ATL2: variants seen among roughly 807,000 people sequenced by gnomAD.
The protein encoded by ATL2 is atlastin-2.
Under a neutral mutation model 73.9 loss-of-function variants are expected in ATL2, and 31 were observed. The observed-to-expected ratio is 0.42, with a 90% confidence interval of 0.32 to 0.57. The LOEUF (loss-of-function observed/expected upper bound fraction) is 0.57. Ranked by LOEUF, ATL2 falls within the 20% of genes least tolerant of loss-of-function variation. The probability of loss-of-function intolerance (pLI) is 0.14; values close to 1 mark genes in which losing one functional copy is unlikely to be tolerated. For missense variants in ATL2, 738 were observed against 702.6 expected, an observed-to-expected ratio of 1.05 and a Z score of -0.57; for synonymous variants, 291 against 237.5, an observed-to-expected ratio of 1.23 and a Z score of -2.07.
intron 1 of ATL2, chr2:38,376,219 C>G: frequency 6.7e-7 from 1 of 1,491,316 alleles, no homozygotes; most frequent in Non-Finnish European, 9.0e-7. Flanking sequence ...CAATTCGCAC[C>G]ACAGTGAGAG....
At chr2:38,305,554 A>C (rs1237296942) in intron 9 of ATL2, among the ~76,000 whole-genome samples, 2 of 152,196 alleles carry the variant, frequency 1.3e-5, no homozygotes, top group African/African-American at 4.8e-5. Context: ...GTCTCAAAAA[A>C]AAAATCAAAA....
intron 1 of ATL2, among the ~76,000 whole-genome samples, chr2:38,375,761 A>G (rs1206850061): frequency 6.6e-6 from 1 of 152,228 alleles, no homozygotes; most frequent in Admixed American, 6.5e-5. Context: ...ACCAGCACAC[A>G]TCTAAGGCGA....
At chr2:38,325,694 ACCAGT>A (rs1668592126) in intron 2 of ATL2, among the ~76,000 whole-genome samples, 2 of 46,926 alleles carry the variant, frequency 4.3e-5, no homozygotes, top group African/African-American at 3.7e-4. Context: ...ACACACACAC[ACCAGT>A]ACACACACAC....
At chr2:38,333,355 A>C (rs928359780) in intron 2 of ATL2, among the ~76,000 whole-genome samples, 4 of 152,176 alleles carry the variant, frequency 2.6e-5, no homozygotes, top group African/African-American at 9.7e-5. Flanking sequence ...TGGCAGAGTG[A>C]GGGAAGGAGG....
At chr2:38,336,641 T>C (rs867461784) in intron 2 of ATL2, among the ~76,000 whole-genome samples, 2 of 152,200 alleles carry the variant, frequency 1.3e-5, no homozygotes, top group African/African-American at 2.4e-5. Flanking sequence ...AAACATAATT[T>C]TACATAATAG....
chr2:38,305,917 C>T (rs1452830505), intron 9 of ATL2, among the ~76,000 whole-genome samples: 3 of 150,778 alleles, frequency 2.0e-5, no homozygotes, highest in Non-Finnish European at 4.4e-5. Context: ...AAGAAGTTAG[C>T]GAAATTGAAA....
At position 38,298,427 on chromosome 2, in the gene ATL2, G is replaced by A; in HGVS notation, c.1349C>T (p.Ala450Val). 6.2e-7 allele frequency: 1 copy of A among 1,614,148 alleles called. No individual in the cohort carries two copies. Among genetic ancestry groups the A allele is most frequent in the Non-Finnish European group, 8.5e-7 (1 of 1,180,020 alleles). Residue 450 changes from alanine (A) to valine (V), a missense_variant, in exon 12 of 13, where the codon GCT becomes GTT. By Grantham distance (64) the Ala-to-Val change is moderately conservative. Transcript: ENST00000378954. ...FCRRYQDQLE[A>V]EIEETYANFI... The stretch of plus-strand genomic sequence containing the variant: ...ATTTGCATAGGTTTCTTCAATTTCA[G>A]CTTCAAGCTGGTCCTGATAACGACG...
Position 38,367,584 on chromosome 2 carries a change from G to T in ATL2, c.118+9559C>A, listed in dbSNP as rs1278730608. ...CACTCCAGCCCGGGGAACAGAGCAA[G>T]AATCCATCTCAAAAAAAAAAAAAAA... On this transcript the variant is annotated intron_variant, in intron 1 of 12. Coordinates refer to ENST00000378954, the MANE Select transcript of ATL2 (RefSeq NM_001135673.4). 2.0e-3 allele frequency among the ~76,000 whole-genome samples: 125 copies of T among 62,722 alleles called. 1 individual carries two copies. Among genetic ancestry groups the T allele is most frequent in the African/African-American group, 6.5e-3 (121 of 18,596 alleles). 41.1% of individuals were successfully genotyped at this position (62,722 alleles called of 152,430 possible). A position where few individuals can be genotyped will look rare whatever the true frequency, so the allele number is the denominator to read the frequency against.
intron 1 of ATL2, chr2:38,376,224 T>G: frequency 6.7e-7 from 1 of 1,484,252 alleles, no homozygotes; most frequent in Non-Finnish European, 9.0e-7. Flanking sequence ...CGCACCACAG[T>G]GAGAGATCAA....
At chr2:38,352,178 G>C (rs1378137651) in intron 1 of ATL2, among the ~76,000 whole-genome samples, 4 of 131,074 alleles carry the variant, frequency 3.1e-5, no homozygotes, top group Non-Finnish European at 6.7e-5. Context: ...AAAATCAAGT[G>C]GGAAAAGGGC....
At chr2:38,370,267 C>A (rs1169500208) in intron 1 of ATL2, among the ~76,000 whole-genome samples, 1 of 146,432 alleles carries the variant, frequency 6.8e-6, no homozygotes, top group Non-Finnish European at 1.5e-5. Flanking sequence ...AGTTTGAAAC[C>A]AGCCTGGTCT....
In ATL2 at chr2:38,343,363, G is replaced by C. The variant is rs1308258873; in HGVS notation, c.268C>G (p.Arg90Gly). ...LEQILLQEHI[R>G]DLNIVVVSVA... ...GATACCACTACTATGTTAAGATCTC[G>C]TATGTGCTCCTGTAGCAATATCTGC... Residue 90 changes from arginine to glycine, a missense_variant, in exon 2 of 13, where the codon CGA becomes GGA. Physicochemically the swap from Arg to Gly is moderately radical, Grantham distance 125. Coordinates refer to ENST00000378954, the MANE Select transcript of ATL2 (RefSeq NM_001135673.4). The C allele has an allele frequency of 1.9e-6, 3 of 1,611,578 alleles. No individual in the cohort carries two copies. Among genetic ancestry groups the C allele is most frequent in the South Asian group, 1.1e-5 (1 of 90,892 alleles).
intron 1 of ATL2, among the ~76,000 whole-genome samples, chr2:38,375,156 C>G (rs981867131): frequency 2.6e-5 from 4 of 152,318 alleles, no homozygotes; most frequent in African/African-American, 9.6e-5. Context: ...TCAAGTGACA[C>G]TTGACCCCAA....
chr2:38,377,002 G>C, intron 1 of ATL2, 141 bp downstream of exon 1: 1 of 598,504 alleles, frequency 1.7e-6, no homozygotes, highest in Non-Finnish European at 2.6e-6. Context: ...GGCTAGGCCC[G>C]GCGGGCAGGC....
chr2:38,307,240 C>T (rs566082226), intron 9 of ATL2, among the ~76,000 whole-genome samples: 1 of 152,118 alleles, frequency 6.6e-6, no homozygotes, highest in African/African-American at 2.4e-5. Flanking sequence ...TGCCTGTAAT[C>T]CCAGCTACTT....
At chr2:38,335,832 G>A (rs910564288) in intron 2 of ATL2, among the ~76,000 whole-genome samples, 1 of 152,104 alleles carries the variant, frequency 6.6e-6, no homozygotes, top group Non-Finnish European at 1.5e-5. Flanking sequence ...ATGAGGTCAG[G>A]AGATCAAGAC....
chr2:38,300,110 T>A (rs1237274834), intron 10 of ATL2, among the ~76,000 whole-genome samples, 162 bp downstream of exon 10: 1 of 152,088 alleles, frequency 6.6e-6, no homozygotes, highest in Non-Finnish European at 1.5e-5. Flanking sequence ...AAAAAAAAAT[T>A]GTATGAAACC....
chr2:38,325,375 G>C (rs984421837), intron 2 of ATL2, among the ~76,000 whole-genome samples: 4 of 152,036 alleles, frequency 2.6e-5, no homozygotes, highest in Non-Finnish European at 5.9e-5. Context: ...TGCAGCAACT[G>C]GTAGGAACAC....
intron 1 of ATL2, among the ~76,000 whole-genome samples, chr2:38,370,790 C>CA (rs1185038574): frequency 6.6e-6 from 1 of 150,976 alleles, no homozygotes; most frequent in South Asian, 2.1e-4. Context: ...CAAAACAAAA[C>CA]AAAAAAATCA....
Sources: allele counts gnomAD v4.1 joint callset (sites outside exome capture counted in the v4.1 genomes callset), GRCh38; gene constraint gnomAD v4.1.1; transcripts MANE v1.5; gene names NCBI Gene and HGNC (gene_info 2026-07-23, HGNC 2026-07-21).